Variants in CLSPN observed in about 807,000 individuals in gnomAD.
CLSPN encodes the protein claspin.
In CLSPN, 85 loss-of-function variants were observed where a neutral mutation model predicts 156.3. That is an observed-to-expected ratio of 0.54 (90% confidence interval 0.46 to 0.65). The LOEUF (loss-of-function observed/expected upper bound fraction) is 0.65. CLSPN is among the 30% of genes least tolerant of loss of function. The pLI, the probability that CLSPN is intolerant of heterozygous loss-of-function variation, is 0.00. For missense variants in CLSPN, 1,407 were observed against 1,554.9 expected, an observed-to-expected ratio of 0.90 and a Z score of 1.60; for synonymous variants, 534 against 542.4, an observed-to-expected ratio of 0.98 and a Z score of 0.22.
chr1:35,756,948 G>A (rs557582742), intron 8 of CLSPN, among the ~76,000 whole-genome samples: 2 of 152,236 alleles, frequency 1.3e-5, no homozygotes, highest in Admixed American at 6.5e-5. Context: ...CAAGCTCCTA[G>A]CATGGCATAA....
At chr1:35,724,063 G>A (rs574761564) in intron 24 of CLSPN, among the ~76,000 whole-genome samples, 1 of 152,278 alleles carries the variant, frequency 6.6e-6, no homozygotes, top group South Asian at 2.1e-4. Context: ...GGAGGCAAAA[G>A]TAGTAAGCCC....
intron 1 of CLSPN, among the ~76,000 whole-genome samples, chr1:35,769,347 C>A (rs1030918455): frequency 6.6e-6 from 1 of 152,180 alleles, no homozygotes; most frequent in African/African-American, 2.4e-5. Context: ...ACTCGGGGCC[C>A]GGTCGGAAAA....
chr1:35,747,158 TA>T, intron 14 of CLSPN, among the ~76,000 whole-genome samples, 166 bp from the exon 15 acceptor site: 1 of 152,050 alleles, frequency 6.6e-6, no homozygotes. Context: ...CCGTCTCTAC[TA>T]AAAATACAAA....
intron 1 of CLSPN, among the ~76,000 whole-genome samples, 172 bp from the exon 2 acceptor site, chr1:35,765,498 T>G (rs1011578454): frequency 1.3e-5 from 2 of 152,076 alleles, no homozygotes; most frequent in African/African-American, 4.8e-5. Context: ...CAAACAAAAG[T>G]TCATTTTTCA....
At chr1:35,766,896 AG>A (rs1268938623) in intron 1 of CLSPN, among the ~76,000 whole-genome samples, 2 of 151,404 alleles carry the variant, frequency 1.3e-5, no homozygotes, top group East Asian at 3.9e-4. Context: ...CTGGGATTAC[AG>A]GTGCGTGCCA....
chr1:35,741,513 G>T (rs1256256709), intron 18 of CLSPN, among the ~76,000 whole-genome samples: 1 of 151,994 alleles, frequency 6.6e-6, no homozygotes, highest in Admixed American at 6.6e-5. Context: ...ACGGGGTCTC[G>T]CCATGTTGGC....
chr1:35,769,634 C>T (rs576324949), intron 1 of CLSPN, among the ~76,000 whole-genome samples: 71 of 152,292 alleles, frequency 4.7e-4, no homozygotes, highest in African/African-American at 1.7e-3. Flanking sequence ...GGCCACGGAG[C>T]CCGAAGCGCG....
At chr1:35,759,167 A>C (rs1030758734) in intron 8 of CLSPN, among the ~76,000 whole-genome samples, 6 of 152,190 alleles carry the variant, frequency 3.9e-5, no homozygotes, top group African/African-American at 1.4e-4. Flanking sequence ...TCATTCATTC[A>C]TTTGATAAAT....
chr1:35,762,556 T>C, intron 4 of CLSPN, 75 bp from the exon 5 acceptor site: 1 of 1,061,866 alleles, frequency 9.4e-7, no homozygotes, highest in East Asian at 2.4e-5. Context: ...AGACTACTTT[T>C]GTAGTCCAAC....
At chr1:35,754,728 C>T (rs1642216002) in intron 8 of CLSPN, among the ~76,000 whole-genome samples, 2 of 152,128 alleles carry the variant, frequency 1.3e-5, no homozygotes, top group African/African-American at 2.4e-5. Context: ...AGTGATATAA[C>T]TAAGCAGCAG....
intron 1 of CLSPN, among the ~76,000 whole-genome samples, chr1:35,768,381 T>G (rs897009238): frequency 6.6e-6 from 1 of 150,676 alleles, no homozygotes; most frequent in Non-Finnish European, 1.5e-5. Context: ...AAAAAAAAAA[T>G]TATTAAATTG....
rs145726597 is a variant in CLSPN at position 35,748,503 on chromosome 1, G to T, written c.2374C>A (p.Gln792Lys). ...AAAAAACTGGTCCCACGGCCTGTTT[G>T]TCTGTTGCAAGGCTGATAGGATGGA... ...TIPSYQPCNR[Q>K]TGRGTSFFPT... is the part of the protein sequence containing the mutation. The change falls in exon 13 of 25, where the codon CAA (glutamine) becomes AAA (lysine). Residue 792 changes from glutamine (Q) to lysine (K), a missense_variant. By Grantham distance (53) the Gln-to-Lys change is moderately conservative. Around this residue, in one of 3 missense-constraint regions of CLSPN, gnomAD observed 1,096 missense variants for 1,193.0 expected, o/e 0.92. Coordinates refer to ENST00000318121, the MANE Select transcript of CLSPN (RefSeq NM_022111.4). 9.5e-5 allele frequency: 153 copies of T among 1,614,016 alleles called. 1 individual carries two copies. The highest frequency in any genetic ancestry group is 4.3e-4 in the South Asian group (39 of 91,092).
chr1:35,743,030 G>A (rs977689687), intron 18 of CLSPN, 111 bp downstream of exon 18: 12 of 770,822 alleles, frequency 1.6e-5, no homozygotes, highest in Admixed American at 2.1e-5. Context: ...CAGGTGATCC[G>A]CCTGCTTCAG....
intron 18 of CLSPN, among the ~76,000 whole-genome samples, chr1:35,742,092 G>T (rs1641714576): frequency 6.6e-6 from 1 of 150,778 alleles, no homozygotes; most frequent in Non-Finnish European, 1.5e-5. Context: ...GACCAGCCTG[G>T]GAACAAAGCA....
chr1:35,754,897 A>G (rs1197159960), intron 8 of CLSPN, among the ~76,000 whole-genome samples: 1 of 152,124 alleles, frequency 6.6e-6, no homozygotes, highest in Non-Finnish European at 1.5e-5. Context: ...AGTGATATAA[A>G]CTTACCCCTC....
chr1:35,753,866 TG>T lies in CLSPN; in HGVS notation c.1649del (p.Thr550LysfsTer2). The T allele has an allele frequency of 6.2e-7, 1 of 1,614,230 alleles. No individual in the cohort carries two copies. ...NPAAKPRAGQ[T>X]VNVNVIVKDM... The stretch of plus-strand genomic sequence containing the variant: ...CTTTCACTATGACGTTCACATTCAC[TG>T]TCTGACCAGCCCTGGGTTTGGCTGC... On this transcript the variant is annotated frameshift_variant, in exon 9 of 25. Coordinates refer to ENST00000318121, the MANE Select transcript of CLSPN (RefSeq NM_022111.4). LOFTEE classifies it high-confidence loss of function.
At chr1:35,769,369 T>C (rs917200357) in intron 1 of CLSPN, among the ~76,000 whole-genome samples, 1 of 151,980 alleles carries the variant, frequency 6.6e-6, no homozygotes, top group African/African-American at 2.4e-5. Context: ...GCAAAGGGCC[T>C]GCGCGCGATG....
chr1:35,769,571 T>C (rs1642793923), intron 1 of CLSPN, among the ~76,000 whole-genome samples: 1 of 152,136 alleles, frequency 6.6e-6, no homozygotes, highest in Non-Finnish European at 1.5e-5. Context: ...AGGAACCGGC[T>C]GAAGAGGGGC....
intron 7 of CLSPN, 28 bp from the exon 8 acceptor site, chr1:35,760,944 G>A (rs768841295): frequency 6.5e-7 from 1 of 1,542,238 alleles, no homozygotes; most frequent in Non-Finnish European, 8.9e-7. Flanking sequence ...AGCTGGAGTT[G>A]AAAATTATCC....
Sources: allele counts gnomAD v4.1 joint callset (sites outside exome capture counted in the v4.1 genomes callset), GRCh38; gene constraint gnomAD v4.1.1; regional missense constraint gnomAD v4.1.1; transcripts MANE v1.5; gene names NCBI Gene and HGNC (gene_info 2026-07-23, HGNC 2026-07-21).